SUCLG1: variants seen among roughly 807,000 people sequenced by gnomAD.
SUCLG1 encodes the protein succinate-CoA ligase GDP/ADP-forming subunit alpha.
SUCLG1 carries 26 observed loss-of-function variants against 37.3 expected under a neutral mutation model. The ratio of observed to expected loss-of-function variants is 0.70; its 90% confidence interval spans 0.51 to 0.97. The LOEUF (loss-of-function observed/expected upper bound fraction) is 0.97, where lower values mean the gene tolerates loss of function less well. Among genes scored for constraint, SUCLG1 ranks in the 50% least tolerant of loss-of-function variants. SUCLG1 has a pLI of 0.00. For synonymous variants in SUCLG1, 163 were observed against 155.6 expected (o/e 1.05, Z -0.36); for missense variants, 433 against 432.9 (o/e 1.00, Z 0.00).
At chr2:84,435,519 C>T (rs1672674614) in intron 5 of SUCLG1, among the ~76,000 whole-genome samples, 2 of 152,140 alleles carry the variant, frequency 1.3e-5, no homozygotes, top group Non-Finnish European at 2.9e-5. Flanking sequence ...AGCAGGGGAG[C>T]CCTGGGAAAA....
At chr2:84,426,544 G>C (rs998430037) in intron 7 of SUCLG1, 5 of 152,114 alleles carry the variant, frequency 3.3e-5, no homozygotes, top group African/African-American at 1.2e-4. Flanking sequence ...GCTCGCGCCT[G>C]TAGTCCCAGC....
intron 5 of SUCLG1, among the ~76,000 whole-genome samples, chr2:84,438,165 T>C (rs914255050): frequency 3.3e-5 from 5 of 152,244 alleles, no homozygotes; most frequent in African/African-American, 4.8e-5. Context: ...ATCCTGTTTA[T>C]GAAATTATAC....
At chr2:84,438,104 G>C (rs970586067) in intron 5 of SUCLG1, among the ~76,000 whole-genome samples, 1 of 152,136 alleles carries the variant, frequency 6.6e-6, no homozygotes, top group South Asian at 2.1e-4. Flanking sequence ...TAACATGAAG[G>C]ATACTTGTGG....
At chr2:84,452,677 A>C (rs1672958300) in intron 1 of SUCLG1, among the ~76,000 whole-genome samples, 1 of 152,074 alleles carries the variant, frequency 6.6e-6, no homozygotes, top group Non-Finnish European at 1.5e-5. Context: ...TCTAAGCTTA[A>C]ATTTATTTCA....
Position 84,431,560 on chromosome 2 carries a change from A to G in SUCLG1, c.773T>C (p.Ile258Thr), listed in dbSNP as rs1188339929. The G allele has an allele frequency of 6.2e-7, 1 of 1,614,052 alleles. No individual in the cohort carries two copies. Among genetic ancestry groups the G allele is most frequent in the South Asian group, 1.1e-5 (1 of 91,082 alleles). ...ATEGIILIGEIGGNAEENAAE... is the reference protein window; with the variant it reads ...ATEGIILIGETGGNAEENAAE... ...AGCATTCTCTTCTGCATTACCACCA[A>G]TTTCACCAATCAATATGATGCCTTC... is the stretch of plus-strand genomic sequence containing the variant. Residue 258 changes from isoleucine (I) to threonine (T), a missense_variant, in exon 7 of 9, where the codon ATT becomes ACT. Coordinates refer to ENST00000393868, the MANE Select transcript of SUCLG1 (RefSeq NM_003849.4).
chr2:84,436,710 A>T (rs932609427), intron 5 of SUCLG1, among the ~76,000 whole-genome samples: 3 of 152,232 alleles, frequency 2.0e-5, no homozygotes, highest in Non-Finnish European at 4.4e-5. Context: ...CTGACCACAC[A>T]CTGATTCTCC....
intron 2 of SUCLG1, among the ~76,000 whole-genome samples, chr2:84,447,431 T>G (rs945117595): frequency 6.6e-6 from 1 of 152,246 alleles, no homozygotes; most frequent in African/African-American, 2.4e-5. Context: ...GAGACAGTTC[T>G]GAATAGTGCT....
intron 5 of SUCLG1, among the ~76,000 whole-genome samples, chr2:84,436,478 T>A (rs1672688292): frequency 2.0e-5 from 3 of 152,154 alleles, no homozygotes; most frequent in Non-Finnish European, 1.5e-5. Context: ...CAGCTTAACA[T>A]CTCTAAGGAG....
chr2:84,457,668 G>A (rs544537940), intron 1 of SUCLG1, among the ~76,000 whole-genome samples: 2 of 152,256 alleles, frequency 1.3e-5, no homozygotes, highest in East Asian at 1.9e-4. Flanking sequence ...TTCTTCCTAG[G>A]GTTTCCCACC....
intron 1 of SUCLG1, among the ~76,000 whole-genome samples, chr2:84,450,997 G>A (rs1672932306): frequency 6.6e-6 from 1 of 152,186 alleles, no homozygotes; most frequent in Admixed American, 6.5e-5. Flanking sequence ...TGCAGGTCAA[G>A]TTCTGGCACA....
rs571170064 is a variant in SUCLG1 at position 84,450,761 on chromosome 2, A to C, written c.98-1009T>G. On this transcript the variant is annotated intron_variant, in intron 1 of 8. Coordinates refer to ENST00000393868, the MANE Select transcript of SUCLG1 (RefSeq NM_003849.4). ...AGTCCACTCCATGCTTTCTGCCTTA[A>C]ATCACTGCCTCATACCCACCTAAGT... is the stretch of plus-strand genomic sequence containing the variant. Among the ~76,000 whole-genome samples the C allele has an allele frequency of 1.1e-4, 17 of 152,324 alleles. 1 individual carries two copies. In the South Asian group the frequency reaches 3.5e-3, roughly 32 times the overall value.
intron 1 of SUCLG1, among the ~76,000 whole-genome samples, chr2:84,457,691 C>G (rs1673043915): frequency 6.6e-6 from 1 of 152,192 alleles, no homozygotes; most frequent in African/African-American, 2.4e-5. Context: ...AGTGGCTGTG[C>G]TGCACATCTG....
intron 3 of SUCLG1, among the ~76,000 whole-genome samples, chr2:84,442,895 C>A (rs1304068440): frequency 6.6e-6 from 1 of 152,198 alleles, no homozygotes; most frequent in Non-Finnish European, 1.5e-5. Context: ...ATGATAACAG[C>A]ACCTACCTCC....
rs1672763191 is a variant in SUCLG1, at chr2:84,441,041, A to G, written c.589+6T>C. The G allele has an allele frequency of 6.2e-7, 1 of 1,613,756 alleles. No homozygotes were observed. Among genetic ancestry groups the G allele is most frequent in the Non-Finnish European group, 8.5e-7 (1 of 1,179,858 alleles). ...TAATCTATAAGAATGTAACAAACAA[A>G]CTCACCAATCCTTCCTTTTTTGTGA... is the stretch of plus-strand genomic sequence containing the variant. On this transcript the variant is annotated splice_donor_region_variant and intron_variant, in intron 5 of 8. Transcript: ENST00000393868.
At chr2:84,453,645 G>A (rs1672977375) in intron 1 of SUCLG1, among the ~76,000 whole-genome samples, 3 of 152,132 alleles carry the variant, frequency 2.0e-5, no homozygotes, top group Non-Finnish European at 4.4e-5. Context: ...TCAAACTCCT[G>A]ACCTCAAGTG....
intron 3 of SUCLG1, among the ~76,000 whole-genome samples, chr2:84,442,345 A>G (rs1672787387): frequency 6.6e-6 from 1 of 152,178 alleles, no homozygotes; most frequent in Admixed American, 6.5e-5. Flanking sequence ...ACATACCTTA[A>G]AAATATGCAA....
chr2:84,458,471 T>A (rs1040384325), intron 1 of SUCLG1: 4 of 152,224 alleles, frequency 2.6e-5, no homozygotes, highest in Non-Finnish European at 1.5e-5. Flanking sequence ...CACAGAGACT[T>A]TGAATATGGC....
chr2:84,444,933 T>C (rs1427734023), intron 2 of SUCLG1, among the ~76,000 whole-genome samples: 3 of 152,244 alleles, frequency 2.0e-5, no homozygotes, highest in Admixed American at 6.5e-5. Context: ...CCCTGAACAT[T>C]GCTGTTATCC....
chr2:84,453,571 C>CGTAG (rs1239574271), intron 1 of SUCLG1, among the ~76,000 whole-genome samples: 1 of 152,102 alleles, frequency 6.6e-6, no homozygotes, highest in Non-Finnish European at 1.5e-5. Context: ...CACATCACTA[C>CGTAG]ACCCAGCTAA....
Sources: allele counts gnomAD v4.1 joint callset (sites outside exome capture counted in the v4.1 genomes callset), GRCh38; gene constraint gnomAD v4.1.1; transcripts MANE v1.5; gene names NCBI Gene and HGNC (gene_info 2026-07-23, HGNC 2026-07-21).